Variants in KLHL29 observed in about 807,000 individuals in gnomAD.
The protein encoded by KLHL29 is kelch like family member 29.
KLHL29 carries 21 observed loss-of-function variants against 80.4 expected under a neutral mutation model. The observed-to-expected ratio is 0.26, with a 90% confidence interval of 0.19 to 0.38. The LOEUF is 0.38. Ranked by LOEUF, KLHL29 falls within the 10% of genes least tolerant of loss-of-function variation. The pLI, the probability that KLHL29 is intolerant of heterozygous loss-of-function variation, is 1.00. For synonymous variants in KLHL29, 511 were observed against 526.8 expected, an observed-to-expected ratio of 0.97 and a Z score of 0.41; for missense variants, 867 against 1,223.9, an observed-to-expected ratio of 0.71 and a Z score of 4.35.
At chr2:23,699,508 A>T (rs888646601) in intron 11 of KLHL29, among the ~76,000 whole-genome samples, 1 of 152,178 alleles carries the variant, frequency 6.6e-6, no homozygotes, top group African/African-American at 2.4e-5. Context: ...CAAGACCTCA[A>T]ACATCCCAGT....
chr2:23,502,472 G>A (rs775306366), intron 2 of KLHL29, among the ~76,000 whole-genome samples: 4 of 152,226 alleles, frequency 2.6e-5, no homozygotes, highest in South Asian at 2.1e-4. Context: ...CTTTTGGGGG[G>A]CCCCAGATTT....
chr2:23,388,345 T>C (rs1014868098), intron 1 of KLHL29, among the ~76,000 whole-genome samples: 5 of 152,194 alleles, frequency 3.3e-5, no homozygotes, highest in Non-Finnish European at 5.9e-5. Context: ...TTCCAGTAGA[T>C]GAGCATTGAG....
intron 1 of KLHL29, among the ~76,000 whole-genome samples, chr2:23,465,986 A>G (rs1353489069): frequency 1.3e-5 from 2 of 151,974 alleles, no homozygotes; most frequent in African/African-American, 4.8e-5. Context: ...CTCAGAGGTG[A>G]CGGTGTTCAT....
In KLHL29 at chr2:23,438,812, A is replaced by G. The variant is rs1194956203; in HGVS notation, c.-153-36748A>G. Among the ~76,000 whole-genome samples the G allele has an allele frequency of 2.0e-5, 3 of 152,092 alleles. No homozygotes were observed. In the East Asian group the frequency reaches 5.8e-4, roughly 29 times the overall value. On this transcript the variant is annotated intron_variant, in intron 1 of 13. Transcript: ENST00000486442. ...TTTGCCAGGCTTTGGTATCAGGATG[A>G]TGCTGGCCTCATAAAATGAGTTAGG... is the stretch of plus-strand genomic sequence containing the variant.
chr2:23,541,500 G>A (rs1666834585), intron 2 of KLHL29, among the ~76,000 whole-genome samples: 1 of 152,226 alleles, frequency 6.6e-6, no homozygotes, highest in African/African-American at 2.4e-5. Context: ...ATCTCTGCCA[G>A]CACTCACAGC....
intron 3 of KLHL29, among the ~76,000 whole-genome samples, chr2:23,638,172 G>A (rs1000809229): frequency 6.7e-6 from 1 of 149,274 alleles, no homozygotes; most frequent in South Asian, 2.1e-4. Context: ...TAACATCCCT[G>A]TTAACATTTT....
rs151308303 is a variant in KLHL29, at chr2:23,592,824, G to A, written c.285+30343G>A. 1.6e-3 allele frequency among the ~76,000 whole-genome samples: 241 copies of A among 152,302 alleles called. 1 individual carries two copies. Among genetic ancestry groups the A allele is most frequent in the African/African-American group, 5.7e-3 (238 of 41,574 alleles). ...CCCCCAAAGGGGAATGGAAGTCCCG[G>A]TGACCTTCTGCAGGTAAGCTGGTGT... On this transcript the variant is annotated intron_variant, in intron 3 of 13. Transcript: ENST00000486442.
chr2:23,553,211 G>A (rs1304071356), intron 2 of KLHL29, among the ~76,000 whole-genome samples: 1 of 152,256 alleles, frequency 6.6e-6, no homozygotes, highest in Non-Finnish European at 1.5e-5. Context: ...AACAGGACCT[G>A]GTTAGGTGGT....
At chr2:23,625,475 G>A (rs1211510267) in intron 3 of KLHL29, among the ~76,000 whole-genome samples, 4 of 152,196 alleles carry the variant, frequency 2.6e-5, no homozygotes, top group South Asian at 4.2e-4. Context: ...AAAGACTAGC[G>A]ATCATGGAGA....
chr2:23,706,089 G>A (rs764124309), intron 13 of KLHL29, among the ~76,000 whole-genome samples: 12 of 152,092 alleles, frequency 7.9e-5, no homozygotes, highest in Admixed American at 2.0e-4. Flanking sequence ...ATTCTCTCTC[G>A]TCATTCTTGT....
At chr2:23,455,601 C>T (rs1172319692) in intron 1 of KLHL29, among the ~76,000 whole-genome samples, 1 of 147,072 alleles carries the variant, frequency 6.8e-6, no homozygotes, top group East Asian at 2.0e-4. Flanking sequence ...GGGATGGTCT[C>T]CTGATTTTTT....
intron 5 of KLHL29, among the ~76,000 whole-genome samples, chr2:23,661,111 T>G (rs1339344086): frequency 6.6e-6 from 1 of 151,238 alleles, no homozygotes; most frequent in Non-Finnish European, 1.5e-5. Flanking sequence ...GAGGCTGAGG[T>G]GGGAGGATCA....
intron 3 of KLHL29, among the ~76,000 whole-genome samples, chr2:23,577,666 T>C (rs1667876928): frequency 1.3e-5 from 2 of 151,392 alleles, no homozygotes; most frequent in African/African-American, 4.9e-5. Flanking sequence ...GAGAATTGCT[T>C]GAACCTGGGA....
intron 1 of KLHL29, among the ~76,000 whole-genome samples, chr2:23,453,033 G>T (rs1388594414): frequency 6.6e-6 from 1 of 151,482 alleles, no homozygotes; most frequent in Non-Finnish European, 1.5e-5. Context: ...GTCTGGGTTT[G>T]CCTCCCCTGA....
At chr2:23,583,167 A>G (rs1183207704) in intron 3 of KLHL29, among the ~76,000 whole-genome samples, 1 of 152,172 alleles carries the variant, frequency 6.6e-6, no homozygotes, top group Non-Finnish European at 1.5e-5. Context: ...CGGACCTCCC[A>G]AACTGTGAGA....
At chr2:23,549,990 C>G (rs1172036116) in intron 2 of KLHL29, among the ~76,000 whole-genome samples, 3 of 152,160 alleles carry the variant, frequency 2.0e-5, no homozygotes, top group Non-Finnish European at 4.4e-5. Flanking sequence ...CTGGGCCACC[C>G]TGGGGTTCTG....
intron 1 of KLHL29, among the ~76,000 whole-genome samples, chr2:23,412,346 T>C (rs1666886042): frequency 6.6e-6 from 1 of 152,184 alleles, no homozygotes; most frequent in Non-Finnish European, 1.5e-5. Context: ...TGTTTATGAT[T>C]GCTTGACCAA....
intron 2 of KLHL29, among the ~76,000 whole-genome samples, chr2:23,517,479 G>A (rs927733574): frequency 6.6e-6 from 1 of 152,228 alleles, no homozygotes; most frequent in Non-Finnish European, 1.5e-5. Flanking sequence ...GGAGGCAGAG[G>A]TTGCAGTGAG....
chr2:23,405,932 T>C (rs1447336135), intron 1 of KLHL29, among the ~76,000 whole-genome samples: 8 of 152,196 alleles, frequency 5.3e-5, no homozygotes, highest in Non-Finnish European at 1.0e-4. Context: ...GTGGGTGATA[T>C]ACACATTTTT....
Sources: gnomAD v4.1 joint callset for allele counts (sites outside exome capture counted in the v4.1 genomes callset) on GRCh38, gnomAD v4.1.1 for gene constraint, MANE v1.5 for transcripts, NCBI Gene and HGNC (gene_info 2026-07-23, HGNC 2026-07-21) for gene names.